IL27RA: variants seen among roughly 807,000 people sequenced by gnomAD.
IL27RA encodes the protein interleukin 27 receptor subunit alpha.
IL27RA carries 61 observed loss-of-function variants against 80.8 expected under a neutral mutation model. That is an observed-to-expected ratio of 0.76 (90% CI 0.61 to 0.93). IL27RA has a LOEUF of 0.93. Among genes scored for constraint, IL27RA ranks in the 40% least tolerant of loss-of-function variants. The probability of loss-of-function intolerance (pLI) is 0.00; values close to 1 mark genes in which losing one functional copy is unlikely to be tolerated. For missense variants in IL27RA, 735 were observed against 808.1 expected, an observed-to-expected ratio of 0.91 and a Z score of 1.10; for synonymous variants, 316 against 332.5, an observed-to-expected ratio of 0.95 and a Z score of 0.54.
Position 14,032,470 on chromosome 19 carries a change from C to T in IL27RA, c.185C>T (p.Ala62Val). 6.2e-7 allele frequency: 1 copy of T among 1,613,370 alleles called. No homozygotes were observed. The highest frequency in any genetic ancestry group is 8.5e-7 in the Non-Finnish European group (1 of 1,179,646). The part of the protein sequence containing the change: ...CSWEPLGDLG[A>V]PSELHLQSQK... ...TGGGAGCCTCTTGGGGACCTGGGAG[C>T]CCCCTCCGAGTTACACCTCCAGAGC... is the stretch of plus-strand genomic sequence containing the variant. The change falls in exon 2 of 14, where the codon GCC (alanine) becomes GTC (valine). Residue 62 changes from alanine to valine, a missense_variant. By Grantham distance (64) the Ala-to-Val change is moderately conservative. Transcript: ENST00000263379.
Position 14,031,966 on chromosome 19 carries a change from C to A in IL27RA, c.94C>A (p.Pro32Thr), listed in dbSNP as rs1364569654. 1.9e-6 allele frequency: 3 copies of A among 1,609,240 alleles called. No homozygotes were observed. The highest frequency in any genetic ancestry group is 2.5e-6 in the Non-Finnish European group (3 of 1,177,746). ...LLWVLFQRTR[P>T]QGSAGPLQCY... Reference sequence around the variant, plus strand: ...GTGGGTGCTTTTCCAGCGGACGCGTCCCCAGGGTGAGTGCTGGAGGGAGCT... The same window carrying A: ...GTGGGTGCTTTTCCAGCGGACGCGTACCCAGGGTGAGTGCTGGAGGGAGCT... The change falls in exon 1 of 14, where the codon CCC becomes ACC. Residue 32 changes from proline (P) to threonine (T), a missense_variant. Transcript: ENST00000263379.
At chr19:14,035,399 G>GT (rs887239185) in intron 2 of IL27RA, among the ~76,000 whole-genome samples, 7 of 150,458 alleles carry the variant, frequency 4.7e-5, no homozygotes, top group South Asian at 4.2e-4. Flanking sequence ...AGGGGGCCTA[G>GT]TTTTTTTTTA....
At chr19:14,034,952 CA>C (rs71170590) in intron 2 of IL27RA, among the ~76,000 whole-genome samples, 141,534 of 143,560 alleles carry the variant, frequency 0.99, 69,764 homozygotes, top group East Asian at 1. Context: ...GACTCCGTCT[CA>C]AAAAAAAAAA....
At chr19:14,039,046 A>G (rs1217979399) in intron 2 of IL27RA, among the ~76,000 whole-genome samples, 1 of 151,940 alleles carries the variant, frequency 6.6e-6, no homozygotes, top group Non-Finnish European at 1.5e-5. Flanking sequence ...GCAATTTGGG[A>G]GGCCGAGGTG....
rs200008614 is a variant in IL27RA at position 14,036,095 on chromosome 19, A to G, written c.219-3413A>G. On this transcript the variant is annotated intron_variant, in intron 2 of 13. Transcript: ENST00000263379. ...TCTCTATTAAAAAAAAAAAAAAGAA[A>G]GAAGAAGAAGAAGAAGAAGAGGAAG... Among the ~76,000 whole-genome samples the G allele has an allele frequency of 2.7e-5, 4 of 149,600 alleles. No homozygotes were observed. In the South Asian group the frequency reaches 8.4e-4, roughly 31 times the overall value.
At position 14,051,614 on chromosome 19, in the gene IL27RA, C is replaced by T. The variant is rs1287303474; in HGVS notation, c.1536C>T (p.Thr512=). The change falls in exon 12 of 14, where the codon ACC becomes ACT. Residue 512 remains threonine, a synonymous_variant. Transcript: ENST00000263379. ...PILRLHLPDN[T]LRWKVLPGIL... ...TCTTCCCTACCCTACCAGATAACAC[C>T]CTGAGGTGGAAAGTTCTGCCGGGCA... is the stretch of plus-strand genomic sequence containing the variant. 6.2e-7 allele frequency: 1 copy of T among 1,603,912 alleles called. No individual in the cohort carries two copies. The highest frequency in any genetic ancestry group is 8.5e-7 in the Non-Finnish European group (1 of 1,172,626).
intron 6 of IL27RA, among the ~76,000 whole-genome samples, 188 bp from the exon 7 acceptor site, chr19:14,045,966 A>C (rs1976058392): frequency 6.6e-6 from 1 of 152,174 alleles, no homozygotes; most frequent in Admixed American, 6.6e-5. Context: ...TGAAGGTTGC[A>C]GTGAGCCGAG....
At chr19:14,034,686 G>C (rs1047198397) in intron 2 of IL27RA, among the ~76,000 whole-genome samples, 17 of 147,002 alleles carry the variant, frequency 1.2e-4, no homozygotes, top group Admixed American at 1.1e-3. Context: ...GGGCGCGGTG[G>C]CTCAAGCCTG....
intron 12 of IL27RA, 22 bp downstream of exon 12, chr19:14,051,722 AT>A: frequency 6.4e-7 from 1 of 1,558,988 alleles, no homozygotes; most frequent in Non-Finnish European, 8.8e-7. Context: ...GGATACATGC[AT>A]CTCTACCCAC....
At chr19:14,049,379 C>T in intron 10 of IL27RA, 65 bp downstream of exon 10, 1 of 1,538,186 alleles carries the variant, frequency 6.5e-7, no homozygotes, top group Non-Finnish European at 8.8e-7. Flanking sequence ...CAGTCAGCCC[C>T]ACCCCTTGTC....
At chr19:14,036,786 T>C (rs2145686899) in intron 2 of IL27RA, among the ~76,000 whole-genome samples, 1 of 144,596 alleles carries the variant, frequency 6.9e-6, no homozygotes, top group Admixed American at 7.0e-5. Flanking sequence ...CCACGCACAG[T>C]GTATTTTCTT....
At position 14,039,784 on chromosome 19, in the gene IL27RA, C is replaced by T. The variant is rs371298670; in HGVS notation, c.408C>T (p.Asp136=). The change falls in exon 4 of 14, where the codon GAC becomes GAT. Residue 136 remains aspartate, a synonymous_variant. Transcript: ENST00000263379. The part of the protein sequence containing the change: ...MKPNAPRLGP[D]VDFSEDDPLE... ...CAAACGCCCCCCGGCTGGGCCCTGA[C>T]GTGGACTTTTCCGAGGATGACCCCC... 270 of 1,614,068 alleles carry T rather than the reference C, an allele frequency of 1.7e-4. No homozygotes were observed. Among genetic ancestry groups the T allele is most frequent in the Non-Finnish European group, 1.9e-4 (222 of 1,180,022 alleles).
chr19:14,047,705 G>A (rs1169483927), intron 8 of IL27RA, among the ~76,000 whole-genome samples: 1 of 146,478 alleles, frequency 6.8e-6, no homozygotes, highest in Non-Finnish European at 1.5e-5. Flanking sequence ...CCAGGCTGGA[G>A]TGCAGTGGTG....
At position 14,031,778 on chromosome 19, in the gene IL27RA, C is replaced by G. The variant is rs1202133877; in HGVS notation, c.-95C>G. On this transcript the variant is annotated 5_prime_UTR_variant, in exon 1 of 14. Transcript: ENST00000263379. ...GCCGGGGTGGTTCGGCTTCCCGTTG[C>G]CGCCTCGGGCGCTGTACCCAGAGCT... 1.9e-6 allele frequency: 2 copies of G among 1,053,298 alleles called. No homozygotes were observed. Among genetic ancestry groups the G allele is most frequent in the Admixed American group, 2.6e-5 (1 of 37,894 alleles). The allele number at this position is 1,053,298 out of a possible 1,614,324, so 65.2% of individuals were successfully genotyped here.
Position 14,046,170 on chromosome 19 carries a change from T to G in IL27RA, c.785T>G (p.Val262Gly). 2 of 1,614,164 alleles carry G rather than the reference T, an allele frequency of 1.2e-6. No individual in the cohort carries two copies. The highest frequency in any genetic ancestry group is 1.7e-6 in the Non-Finnish European group (2 of 1,180,006). The stretch of plus-strand genomic sequence containing the variant: ...ATCTCTCAGGCCCCAGGGCCCTGTG[T>G]GCAGGTGAGCTACAAAGTCTGGTTC... Reference protein sequence around the residue: ...LLLWKAPGPCVQVSYKVWFWV... With the variant: ...LLLWKAPGPCGQVSYKVWFWV... The change falls in exon 7 of 14, where the codon GTG becomes GGG. Residue 262 changes from valine to glycine, a missense_variant. Physicochemically the swap from Val to Gly is moderately radical, Grantham distance 109. Transcript: ENST00000263379.
Position 14,049,140 on chromosome 19 carries a change from C to T in IL27RA, c.1244-16C>T, listed in dbSNP as rs1420968443. On this transcript the variant is annotated splice_polypyrimidine_tract_variant and intron_variant, in intron 9 of 13. Coordinates refer to ENST00000263379, the MANE Select transcript of IL27RA (RefSeq NM_004843.4). ...TGTAACCCAGGCCGACCTTGACCTA[C>T]TGCCTTCCTCCCCAGCACCCCTAGT... 6.2e-7 allele frequency: 1 copy of T among 1,613,052 alleles called. No individual in the cohort carries two copies. Among genetic ancestry groups the T allele is most frequent in the African/African-American group, 1.3e-5 (1 of 75,018 alleles).
In IL27RA at chr19:14,040,330, C is replaced by G. The variant is rs1975971053; in HGVS notation, c.534+420C>G. ...TGAGCTGAGATTGGGCCACTGTGCT[C>G]CAGCCTGAGCTACAGAGTGAGACTC... On this transcript the variant is annotated intron_variant, in intron 4 of 13. Transcript: ENST00000263379. Among the ~76,000 whole-genome samples, 5 of 151,956 alleles carry G rather than the reference C, an allele frequency of 3.3e-5. No individual in the cohort carries two copies. In the South Asian group the frequency reaches 1.0e-3, roughly 32 times the overall value.
chr19:14,041,239 C>G (rs1162907751), intron 4 of IL27RA, among the ~76,000 whole-genome samples: 1 of 151,720 alleles, frequency 6.6e-6, no homozygotes, highest in East Asian at 1.9e-4. Flanking sequence ...ACTGTGTTGC[C>G]CAGGCTGGAG....
At chr19:14,037,559 C>T (rs1975921947) in intron 2 of IL27RA, among the ~76,000 whole-genome samples, 1 of 151,588 alleles carries the variant, frequency 6.6e-6, no homozygotes, top group South Asian at 2.1e-4. Context: ...CTGGCCCCTT[C>T]TTACTATTTG....
Sources: allele counts gnomAD v4.1 joint callset (sites outside exome capture counted in the v4.1 genomes callset), GRCh38; gene constraint gnomAD v4.1.1; transcripts MANE v1.5; gene names NCBI Gene and HGNC (gene_info 2026-07-23, HGNC 2026-07-21).